The following SAMD4A variants were observed in gnomAD, a reference collection of about 807,000 sequenced individuals.
SAMD4A encodes the protein protein Smaug homolog 1.
A neutral mutation model predicts 81.3 loss-of-function variants in SAMD4A; 33 were observed. That is an observed-to-expected ratio of 0.41 (90% CI 0.31 to 0.54). SAMD4A has a LOEUF of 0.54. Among genes scored for constraint, SAMD4A ranks in the 20% least tolerant of loss-of-function variants. The pLI, the probability that SAMD4A is intolerant of heterozygous loss-of-function variation, is 0.37. For synonymous variants in SAMD4A, 389 were observed against 382.1 expected (o/e 1.02, Z -0.21); for missense variants, 854 against 951.1 (o/e 0.90, Z 1.34).
At chr14:54,603,296 T>C (rs1477062351) in intron 2 of SAMD4A, among the ~76,000 whole-genome samples, 1 of 152,232 alleles carries the variant, frequency 6.6e-6, no homozygotes, top group Non-Finnish European at 1.5e-5. Flanking sequence ...TTTTAATATG[T>C]CCCCATTTTA....
intron 7 of SAMD4A, among the ~76,000 whole-genome samples, chr14:54,763,951 C>T (rs2038471086): frequency 1.3e-5 from 2 of 152,170 alleles, no homozygotes; most frequent in Admixed American, 6.5e-5. Flanking sequence ...GAGTAGCAGG[C>T]CTCCTGCACA....
At chr14:54,711,098 A>C (rs1414438472) in intron 3 of SAMD4A, among the ~76,000 whole-genome samples, 3 of 152,168 alleles carry the variant, frequency 2.0e-5, no homozygotes. Context: ...TTTGCTGAAC[A>C]GTAGGGACTT....
chr14:54,573,071 A>G (rs912748501), intron 2 of SAMD4A, among the ~76,000 whole-genome samples: 10 of 152,156 alleles, frequency 6.6e-5, no homozygotes, highest in African/African-American at 2.4e-4. Flanking sequence ...AGAAGAAATC[A>G]TTTTGCTGAA....
At position 54,702,198 on chromosome 14, in the gene SAMD4A, C is replaced by T; in HGVS notation, c.333C>T (p.His111=). The T allele has an allele frequency of 6.2e-7, 1 of 1,614,186 alleles. No homozygotes were observed. The highest frequency in any genetic ancestry group is 8.5e-7 in the Non-Finnish European group (1 of 1,180,028). The part of the protein sequence containing the change: ...YMKLLPKILA[H]SIEHNQHIEE... ...AACTGCTGCCCAAAATCCTGGCTCA[C>T]TCTATTGAACACAACCAGCACATTG... Residue 111 remains histidine, a synonymous_variant, in exon 3 of 13, where the codon CAC becomes CAT. Coordinates refer to ENST00000554335, the MANE Select transcript of SAMD4A (RefSeq NM_015589.6).
rs574752036 is a variant in SAMD4A, at chr14:54,573,688, C to T, written c.196+5576C>T. ...CTTCCAAGGCCTCACTGAGCTCATC[C>T]AATTCACATAGATTAAGATGCAGAA... is the stretch of plus-strand genomic sequence containing the variant. On this transcript the variant is annotated intron_variant, in intron 2 of 12. Transcript: ENST00000554335. Among the ~76,000 whole-genome samples the T allele has an allele frequency of 3.3e-5, 5 of 152,306 alleles. No homozygotes were observed. The South Asian group carries it at 6.2e-4, about 19-fold the overall frequency.
At chr14:54,623,711 A>AT (rs934129354) in intron 2 of SAMD4A, among the ~76,000 whole-genome samples, 8 of 152,292 alleles carry the variant, frequency 5.3e-5, no homozygotes, top group Admixed American at 6.5e-5. Context: ...TGTTCTGAAC[A>AT]TAGCTGGGGG....
chr14:54,724,008 G>GGAAGGAAGGAAGGAAGGAAGGAAGGAA (rs2037338392), intron 3 of SAMD4A, among the ~76,000 whole-genome samples: 5 of 39,112 alleles, frequency 1.3e-4, no homozygotes, highest in South Asian at 1.1e-3. Context: ...ATGGATGGAT[G>GGAAGGAAGGAAGGAAGGAAGGAAGGAA]GAAGGAAGGA....
At chr14:54,627,129 A>G (rs2034782868) in intron 2 of SAMD4A, among the ~76,000 whole-genome samples, 1 of 152,176 alleles carries the variant, frequency 6.6e-6, no homozygotes, top group South Asian at 2.1e-4. Flanking sequence ...ACCTTTTTAC[A>G]TCCAACCCCC....
chr14:54,625,944 T>C (rs1330020346), intron 2 of SAMD4A, among the ~76,000 whole-genome samples: 2 of 152,094 alleles, frequency 1.3e-5, no homozygotes, highest in African/African-American at 4.8e-5. Flanking sequence ...AAGCAAAGTC[T>C]GTGTTTAGCT....
chr14:54,755,724 G>C (rs1028425598), intron 6 of SAMD4A, among the ~76,000 whole-genome samples: 1 of 152,226 alleles, frequency 6.6e-6, no homozygotes, highest in African/African-American at 2.4e-5. Flanking sequence ...GGGGCCATGG[G>C]GTACAGAATT....
chr14:54,648,400 T>C (rs2035330841), intron 2 of SAMD4A, among the ~76,000 whole-genome samples: 1 of 152,232 alleles, frequency 6.6e-6, no homozygotes, highest in Admixed American at 6.5e-5. Flanking sequence ...ACTTCAAGGC[T>C]TCCAGCCTAG....
At chr14:54,597,121 A>G (rs1333197106) in intron 2 of SAMD4A, among the ~76,000 whole-genome samples, 1 of 145,188 alleles carries the variant, frequency 6.9e-6, no homozygotes, top group Non-Finnish European at 1.5e-5. Context: ...TTTTTTTTTG[A>G]AAAATGGAAG....
chr14:54,659,269 C>A (rs1335033903), intron 2 of SAMD4A, among the ~76,000 whole-genome samples: 1 of 152,134 alleles, frequency 6.6e-6, no homozygotes, highest in Non-Finnish European at 1.5e-5. Context: ...CTGATGAGAT[C>A]AAAATCTCTA....
At chr14:54,722,339 C>A (rs1283331479) in intron 3 of SAMD4A, among the ~76,000 whole-genome samples, 21 of 152,208 alleles carry the variant, frequency 1.4e-4, no homozygotes, top group Admixed American at 1.4e-3. Flanking sequence ...AACAACCCCA[C>A]TGGCATACAG....
At chr14:54,591,233 G>A (rs1594703296) in intron 2 of SAMD4A, among the ~76,000 whole-genome samples, 1 of 152,134 alleles carries the variant, frequency 6.6e-6, no homozygotes, top group East Asian at 1.9e-4. Context: ...CTCTATCCCT[G>A]GGGTTCTCAG....
chr14:54,772,955 A>G (rs1032975604), intron 9 of SAMD4A, among the ~76,000 whole-genome samples: 1 of 152,208 alleles, frequency 6.6e-6, no homozygotes, highest in Non-Finnish European at 1.5e-5. Context: ...AAACCAAAAA[A>G]TCTGAAGCCT....
rs1401153445 is a variant in SAMD4A at position 54,567,901 on chromosome 14, G to A, written c.-16G>A. 5.0e-6 allele frequency: 8 copies of A among 1,601,396 alleles called. No homozygotes were observed. The highest frequency in any genetic ancestry group is 3.4e-5 in the Admixed American group (2 of 59,484). ...GCGCCCAGGGGGCTCTGTAGACCGA[G>A]GGCGGCCCCCTAACCATGATGTTTC... On this transcript the variant is annotated 5_prime_UTR_variant, in exon 2 of 13. Coordinates refer to ENST00000554335, the MANE Select transcript of SAMD4A (RefSeq NM_015589.6).
intron 2 of SAMD4A, among the ~76,000 whole-genome samples, chr14:54,699,362 T>C (rs1594828800): frequency 6.6e-6 from 1 of 152,182 alleles, no homozygotes; most frequent in Admixed American, 6.5e-5. Context: ...TAGCTAAATA[T>C]AGAGTCAGGG....
chr14:54,609,686 G>A (rs911235819), intron 2 of SAMD4A, among the ~76,000 whole-genome samples: 1 of 152,170 alleles, frequency 6.6e-6, no homozygotes, highest in African/African-American at 2.4e-5. Flanking sequence ...ATCATTACAG[G>A]TTCCTCTTGG....
Sources: gnomAD v4.1 joint callset for allele counts (sites outside exome capture counted in the v4.1 genomes callset) on GRCh38, gnomAD v4.1.1 for gene constraint, MANE v1.5 for transcripts, NCBI Gene and HGNC (gene_info 2026-07-23, HGNC 2026-07-21) for gene names.